XKR6: variants seen among roughly 807,000 people sequenced by gnomAD.
The protein encoded by XKR6 is XK related 6.
XKR6 carries 22 observed loss-of-function variants against 56.7 expected under a neutral mutation model. The ratio of observed to expected loss-of-function variants is 0.39; its 90% confidence interval spans 0.28 to 0.55. XKR6 has a LOEUF of 0.55. Ranked by LOEUF, XKR6 falls within the 20% of genes least tolerant of loss-of-function variation. XKR6 has a pLI of 0.66. For missense variants in XKR6, 852 were observed against 889.0 expected (o/e 0.96, Z 0.53); for synonymous variants, 524 against 387.8 (o/e 1.35, Z -4.13).
At chr8:11,065,322 T>A (rs1478030108) in intron 1 of XKR6, among the ~76,000 whole-genome samples, 2 of 152,212 alleles carry the variant, frequency 1.3e-5, no homozygotes. Context: ...ATCTTGTCAG[T>A]TCCCTTATTC....
chr8:11,030,379 C>G (rs1466010607), intron 1 of XKR6, among the ~76,000 whole-genome samples: 2 of 152,226 alleles, frequency 1.3e-5, no homozygotes, highest in African/African-American at 4.8e-5. Flanking sequence ...TGCCATCAAA[C>G]AACAGGCCTC....
chr8:10,960,947 A>G (rs1003586552), intron 1 of XKR6, among the ~76,000 whole-genome samples: 2 of 152,210 alleles, frequency 1.3e-5, no homozygotes, highest in African/African-American at 4.8e-5. Context: ...GAAGACAGGG[A>G]AGACCGGGCT....
At chr8:11,108,052 A>C (rs576341747) in intron 1 of XKR6, 1 of 324,828 alleles carries the variant, frequency 3.1e-6, no homozygotes, top group Non-Finnish European at 5.9e-6. Flanking sequence ...ATTTTGTAGG[A>C]AAGTTCCAGT....
intron 1 of XKR6, among the ~76,000 whole-genome samples, chr8:10,957,312 C>T (rs1801919229): frequency 6.6e-6 from 1 of 152,164 alleles, no homozygotes; most frequent in African/African-American, 2.4e-5. Flanking sequence ...CACAGAAAGG[C>T]CTTTTCCTAG....
chr8:11,168,780 G>C (rs958759889), intron 1 of XKR6, among the ~76,000 whole-genome samples: 2 of 152,144 alleles, frequency 1.3e-5, no homozygotes, highest in African/African-American at 4.8e-5. Flanking sequence ...TGCAGGCACA[G>C]ATAAGAAAAC....
intron 2 of XKR6, among the ~76,000 whole-genome samples, chr8:10,912,236 G>C (rs1176395340): frequency 5.5e-5 from 8 of 144,688 alleles, no homozygotes; most frequent in Admixed American, 4.2e-4. Flanking sequence ...GAGAGAGGGA[G>C]AGAGAGAGGG....
At chr8:11,071,511 TATGAGCCCCGAGTCC>T (rs1563117578) in intron 1 of XKR6, among the ~76,000 whole-genome samples, 21 of 49,284 alleles carry the variant, frequency 4.3e-4, no homozygotes, top group South Asian at 2.3e-3. Flanking sequence ...GCCCCGAGTC[TATGAGCCCCGAGTCC>T]ATGAGCCCCG....
chr8:11,147,048 T>C (rs558850593), intron 1 of XKR6, among the ~76,000 whole-genome samples: 2 of 151,992 alleles, frequency 1.3e-5, no homozygotes, highest in South Asian at 2.1e-4. Context: ...TACTTAAAAT[T>C]TGCTAAGAAG....
intron 1 of XKR6, among the ~76,000 whole-genome samples, chr8:11,190,269 A>G (rs1803504371): frequency 6.6e-6 from 1 of 151,736 alleles, no homozygotes; most frequent in Non-Finnish European, 1.5e-5. Flanking sequence ...GGAAAGGAAA[A>G]GAAAAGAAAG....
chr8:11,179,170 T>C (rs181109603), intron 1 of XKR6, among the ~76,000 whole-genome samples: 105 of 152,116 alleles, frequency 6.9e-4, no homozygotes, highest in African/African-American at 2.4e-3. Context: ...TTCTTTTAAT[T>C]CATTTTGATT....
intron 1 of XKR6, among the ~76,000 whole-genome samples, chr8:11,145,289 T>C: frequency 6.6e-6 from 1 of 152,078 alleles, no homozygotes; most frequent in Admixed American, 6.5e-5. Flanking sequence ...ACACTTCTGG[T>C]TCCAAATGTT....
intron 1 of XKR6, among the ~76,000 whole-genome samples, chr8:11,042,885 C>T (rs140878028): frequency 2.0e-5 from 3 of 152,320 alleles, no homozygotes; most frequent in African/African-American, 7.2e-5. Context: ...AGCACTTAGG[C>T]CCAGAAGAGT....
At chr8:10,911,248 A>G (rs574494883) in intron 2 of XKR6, among the ~76,000 whole-genome samples, 2 of 150,070 alleles carry the variant, frequency 1.3e-5, no homozygotes, top group East Asian at 3.9e-4. Context: ...ATAGAGAGAG[A>G]GAGAGAGACA....
intron 1 of XKR6, among the ~76,000 whole-genome samples, chr8:11,174,278 CCT>C (rs1802540951): frequency 6.6e-6 from 1 of 152,208 alleles, no homozygotes; most frequent in South Asian, 2.1e-4. Context: ...GTCACTCACT[CCT>C]CTCTCTTCCA....
At chr8:11,025,870 G>A (rs752369535) in intron 1 of XKR6, among the ~76,000 whole-genome samples, 8 of 152,106 alleles carry the variant, frequency 5.3e-5, no homozygotes, top group Non-Finnish European at 1.0e-4. Flanking sequence ...CCAGGCACAC[G>A]TGGCTACTGA....
intron 1 of XKR6, among the ~76,000 whole-genome samples, chr8:11,027,015 GATGCTGTTGCCTACTACACACCTAA>G (rs1798885243): frequency 6.6e-6 from 1 of 152,142 alleles, no homozygotes; most frequent in Non-Finnish European, 1.5e-5. Context: ...TATACACTTA[GATGCTGTTGCCTACTACACACCTAA>G]ATGCTCTGGC....
intron 1 of XKR6, among the ~76,000 whole-genome samples, chr8:11,167,473 T>C (rs1349752319): frequency 6.6e-6 from 1 of 152,168 alleles, no homozygotes; most frequent in Non-Finnish European, 1.5e-5. Context: ...CTGGAAGTGG[T>C]TGGCATTGCC....
intron 1 of XKR6, among the ~76,000 whole-genome samples, chr8:11,153,110 C>T (rs898654322): frequency 1.3e-5 from 2 of 152,092 alleles, no homozygotes; most frequent in Non-Finnish European, 2.9e-5. Flanking sequence ...ATTATAGGTG[C>T]CAACATTCAC....
At chr8:11,055,011 A>C (rs569218820) in intron 1 of XKR6, among the ~76,000 whole-genome samples, 1 of 152,296 alleles carries the variant, frequency 6.6e-6, no homozygotes, top group South Asian at 2.1e-4. Flanking sequence ...GGCTGTAGAC[A>C]AGCAGATGGC....
Sources: gnomAD v4.1 joint callset for allele counts (sites outside exome capture counted in the v4.1 genomes callset) on GRCh38, gnomAD v4.1.1 for gene constraint, MANE v1.5 for transcripts, NCBI Gene and HGNC (gene_info 2026-07-23, HGNC 2026-07-21) for gene names.